The following CRPPA variants were observed in gnomAD, a reference collection of about 807,000 sequenced individuals.
The protein encoded by CRPPA is D-ribitol-5-phosphate cytidylyltransferase.
CRPPA carries 43 observed loss-of-function variants against 52.0 expected under a neutral mutation model. The ratio of observed to expected loss-of-function variants is 0.83; its 90% confidence interval spans 0.65 to 1.07. The LOEUF (loss-of-function observed/expected upper bound fraction) is 1.07, where lower values mean the gene tolerates loss of function less well. Among genes scored for constraint, CRPPA ranks in the 50% least tolerant of loss-of-function variants. The pLI, the probability that CRPPA is intolerant of heterozygous loss-of-function variation, is 0.00. For missense variants in CRPPA, 629 were observed against 551.7 expected, an observed-to-expected ratio of 1.14 and a Z score of -1.40; for synonymous variants, 250 against 203.5, an observed-to-expected ratio of 1.23 and a Z score of -1.94.
At chr7:16,321,237 A>AT in intron 3 of CRPPA, among the ~76,000 whole-genome samples, 1 of 152,276 alleles carries the variant, frequency 6.6e-6, no homozygotes, top group Non-Finnish European at 1.5e-5. Flanking sequence ...CTGTCTTTTT[A>AT]GACATTTCTA....
intron 3 of CRPPA, among the ~76,000 whole-genome samples, chr7:16,362,223 C>T (rs556453605): frequency 7.9e-4 from 120 of 152,130 alleles, no homozygotes; most frequent in Non-Finnish European, 1.5e-3. Flanking sequence ...TACCACAGAC[C>T]GGGTAGTTTA....
intron 9 of CRPPA, among the ~76,000 whole-genome samples, chr7:16,181,615 C>G (rs997944476): frequency 1.3e-5 from 2 of 151,936 alleles, no homozygotes; most frequent in Non-Finnish European, 2.9e-5. Context: ...CCTAATCATC[C>G]TGTCAGAGCA....
intron 3 of CRPPA, among the ~76,000 whole-genome samples, chr7:16,341,181 C>T (rs9648214): frequency 0.1 from 15,545 of 151,890 alleles, 935 homozygotes; most frequent in East Asian, 0.26. Flanking sequence ...GTCATTATAA[C>T]ATTAGTTCAA....
intron 8 of CRPPA, among the ~76,000 whole-genome samples, chr7:16,254,411 A>G (rs1783556645): frequency 6.6e-6 from 1 of 152,122 alleles, no homozygotes; most frequent in South Asian, 2.1e-4. Flanking sequence ...TGCAGCCATA[A>G]AAAATGATGA....
At chr7:16,379,802 A>T (rs528243595) in intron 2 of CRPPA, among the ~76,000 whole-genome samples, 1 of 151,970 alleles carries the variant, frequency 6.6e-6, no homozygotes, top group Non-Finnish European at 1.5e-5. Context: ...TCTGTTATTG[A>T]TGTATAAGAA....
chr7:16,124,143 T>C (rs1009674049), intron 9 of CRPPA, among the ~76,000 whole-genome samples: 1 of 149,880 alleles, frequency 6.7e-6, no homozygotes, highest in Non-Finnish European at 1.5e-5. Flanking sequence ...CTCCATACTG[T>C]TTTCCATAAT....
At chr7:16,115,523 C>G (rs1421055681) in intron 9 of CRPPA, among the ~76,000 whole-genome samples, 1 of 152,158 alleles carries the variant, frequency 6.6e-6, no homozygotes, top group African/African-American at 2.4e-5. Flanking sequence ...GTCCTGTTCA[C>G]TTTGAAAGGG....
rs558721054 is a variant in CRPPA, at chr7:16,106,581, G to A, written c.1252-14782C>T. ...ACTCACAACAAGTTCTACCCGTCTG[G>A]GGTTGTTACCAGCTGGCCCTTCCAG... On this transcript the variant is annotated intron_variant, in intron 9 of 9. Transcript: ENST00000407010. Among the ~76,000 whole-genome samples, 20 of 152,292 alleles carry A rather than the reference G, an allele frequency of 1.3e-4. No homozygotes were observed. In the South Asian group the frequency reaches 4.1e-3, roughly 32 times the overall value.
intron 9 of CRPPA, among the ~76,000 whole-genome samples, chr7:16,161,732 A>G (rs556860867): frequency 1.4e-4 from 21 of 151,892 alleles, no homozygotes; most frequent in African/African-American, 5.1e-4. Context: ...CTCTTTTTCT[A>G]TTGTTTGGAA....
chr7:16,252,064 A>G (rs1053506343), intron 8 of CRPPA, among the ~76,000 whole-genome samples: 11 of 152,200 alleles, frequency 7.2e-5, no homozygotes, highest in Non-Finnish European at 1.6e-4. Context: ...CTGCATCAGC[A>G]TCATCCTGAT....
chr7:16,400,705 C>T (rs921574348), intron 2 of CRPPA, among the ~76,000 whole-genome samples: 20 of 152,228 alleles, frequency 1.3e-4, no homozygotes, highest in African/African-American at 4.6e-4. Flanking sequence ...GTGTATGACA[C>T]GTTACACGTT....
intron 5 of CRPPA, among the ~76,000 whole-genome samples, chr7:16,284,657 A>C (rs531153233): frequency 6.6e-6 from 1 of 152,240 alleles, no homozygotes; most frequent in Admixed American, 6.5e-5. Flanking sequence ...CATTTTGAGT[A>C]ATACACCCAT....
chr7:16,227,392 T>C (rs1782679247), intron 8 of CRPPA, among the ~76,000 whole-genome samples: 1 of 151,804 alleles, frequency 6.6e-6, no homozygotes, highest in Non-Finnish European at 1.5e-5. Flanking sequence ...CATATTCTTG[T>C]CAACACTTAT....
intron 6 of CRPPA, among the ~76,000 whole-genome samples, chr7:16,274,178 T>C (rs1194343572): frequency 1.3e-5 from 2 of 152,146 alleles, no homozygotes; most frequent in Non-Finnish European, 2.9e-5. Context: ...GCCTCCCGAG[T>C]AGCTGGGACT....
In CRPPA at chr7:16,091,159, A is replaced by G. The variant is rs897613787; in HGVS notation, c.*536T>C. ...ATATGTGGCAAATGGGGAAAATGCTAGAAACAAACAGTTCCGTTCCCTGGT... is the reference window on the plus strand; with the variant it reads ...ATATGTGGCAAATGGGGAAAATGCTGGAAACAAACAGTTCCGTTCCCTGGT... On this transcript the variant is annotated 3_prime_UTR_variant, in exon 10 of 10. Transcript: ENST00000407010. The G allele has an allele frequency of 6.6e-6, 1 of 152,332 alleles. No homozygotes were observed. Among genetic ancestry groups the G allele is most frequent in the Non-Finnish European group, 1.5e-5 (1 of 68,104 alleles). The allele number at this position is 152,332 out of a possible 1,614,324, so 9.4% of individuals were successfully genotyped here.
In CRPPA at chr7:16,216,986, C is replaced by A. The variant is rs569482851; in HGVS notation, c.1120-789G>T. On this transcript the variant is annotated intron_variant, in intron 8 of 9. Transcript: ENST00000407010. ...CCTCTGTAGGCTTCACCTCTGGGGGCAGGGCACAGACAAACAAAAAGACAG... is the reference window on the plus strand; with the variant it reads ...CCTCTGTAGGCTTCACCTCTGGGGGAAGGGCACAGACAAACAAAAAGACAG... Among the ~76,000 whole-genome samples, 11 of 152,174 alleles carry A rather than the reference C, an allele frequency of 7.2e-5. No individual in the cohort carries two copies. In the South Asian group the frequency reaches 2.1e-3, roughly 29 times the overall value.
At chr7:16,182,683 C>T (rs116821041) in intron 9 of CRPPA, among the ~76,000 whole-genome samples, 38 of 152,264 alleles carry the variant, frequency 2.5e-4, no homozygotes, top group African/African-American at 9.1e-4. Context: ...ACCAAGTTAT[C>T]AGCCCTGATT....
chr7:16,257,821 C>T (rs915018769), intron 8 of CRPPA, among the ~76,000 whole-genome samples: 3 of 152,084 alleles, frequency 2.0e-5, no homozygotes, highest in Non-Finnish European at 4.4e-5. Context: ...ATAGTCCCCT[C>T]TGCTATATAG....
intron 9 of CRPPA, among the ~76,000 whole-genome samples, chr7:16,197,948 A>G (rs1337736757): frequency 6.9e-6 from 1 of 145,606 alleles, no homozygotes; most frequent in African/African-American, 2.6e-5. Context: ...CAGATGCTTG[A>G]AGGCAGCATG....
Sources: allele counts gnomAD v4.1 joint callset (sites outside exome capture counted in the v4.1 genomes callset), GRCh38; gene constraint gnomAD v4.1.1; transcripts MANE v1.5; gene names NCBI Gene and HGNC (gene_info 2026-07-23, HGNC 2026-07-21).